PROS1: variants seen among roughly 807,000 people sequenced by gnomAD.
PROS1 encodes vitamin K-dependent protein S.
Under a neutral mutation model 75.9 loss-of-function variants are expected in PROS1, and 29 were observed. The ratio of observed to expected loss-of-function variants is 0.38; its 90% confidence interval spans 0.28 to 0.52. The LOEUF (loss-of-function observed/expected upper bound fraction) is 0.52. Ranked by LOEUF, PROS1 falls within the 20% of genes least tolerant of loss-of-function variation. The pLI, the probability that PROS1 is intolerant of heterozygous loss-of-function variation, is 0.83. For missense variants in PROS1, 680 were observed against 810.3 expected (o/e 0.84, Z 1.95); for synonymous variants, 245 against 280.6 (o/e 0.87, Z 1.27).
rs375034896 is a variant in PROS1 at position 93,884,886 on chromosome 3, C to T, written c.1334G>A (p.Arg445His). 184 of 1,612,380 alleles carry T rather than the reference C, an allele frequency of 1.1e-4. No individual in the cohort carries two copies. The highest frequency in any genetic ancestry group is 2.7e-4 in the East Asian group (12 of 44,794). The change falls in exon 12 of 15, where the codon CGT (arginine) becomes CAT (histidine). Residue 445 changes from arginine to histidine, a missense_variant. Arg to His is a conservative substitution (Grantham distance 29). Coordinates refer to ENST00000394236, the MANE Select transcript of PROS1 (RefSeq NM_000313.4). ...ESELIKPINP[R>H]LDGCIRSWNL... ...CCAGCTTCGTATACATCCATCTAGA[C>T]GAGGGTTAATCTAACAAATTAAAAT...
chr3:93,878,778 G>A (rs573308479), intron 13 of PROS1, among the ~76,000 whole-genome samples: 3 of 152,206 alleles, frequency 2.0e-5, no homozygotes, highest in African/African-American at 7.2e-5. Context: ...ACAGTGCACT[G>A]TAATTAGACT....
intron 7 of PROS1, 71 bp from the exon 8 acceptor site, chr3:93,898,640 T>A: frequency 6.5e-7 from 1 of 1,550,086 alleles, no homozygotes; most frequent in East Asian, 2.3e-5. Flanking sequence ...GGCAGAGGAA[T>A]ATTATGATTG....
chr3:93,955,138 C>A (rs1161784925), intron 1 of PROS1, among the ~76,000 whole-genome samples: 1 of 152,182 alleles, frequency 6.6e-6, no homozygotes, highest in Non-Finnish European at 1.5e-5. Context: ...GGACTGTAAA[C>A]TAGTTCAACC....
intron 1 of PROS1, among the ~76,000 whole-genome samples, chr3:93,933,886 G>C (rs1315024075): frequency 1.3e-5 from 2 of 151,904 alleles, no homozygotes; most frequent in Non-Finnish European, 2.9e-5. Context: ...GTGCGTGCTT[G>C]TAACCCCAGC....
chr3:93,902,229 G>A (rs755079180), intron 6 of PROS1, among the ~76,000 whole-genome samples: 3 of 152,072 alleles, frequency 2.0e-5, no homozygotes, highest in Admixed American at 6.6e-5. Context: ...GAACCCAGAA[G>A]CTGGGGTGCC....
intron 6 of PROS1, among the ~76,000 whole-genome samples, chr3:93,902,677 C>T (rs1707641708): frequency 6.6e-6 from 1 of 151,136 alleles, no homozygotes; most frequent in South Asian, 2.1e-4. Context: ...CACTTGAACC[C>T]GGGAAACAGA....
intron 7 of PROS1, among the ~76,000 whole-genome samples, chr3:93,899,607 G>C (rs1708555901): frequency 6.6e-6 from 1 of 152,170 alleles, no homozygotes; most frequent in Non-Finnish European, 1.5e-5. Flanking sequence ...GGAGAAATGT[G>C]TTGCGGGGGC....
chr3:93,924,733 A>T (rs1325292765), intron 2 of PROS1, among the ~76,000 whole-genome samples: 4 of 149,420 alleles, frequency 2.7e-5, no homozygotes, highest in Admixed American at 2.0e-4. Flanking sequence ...TATGACCATG[A>T]CTCACTGCAG....
intron 9 of PROS1, among the ~76,000 whole-genome samples, chr3:93,896,343 A>G (rs1708500512): frequency 6.6e-6 from 1 of 152,196 alleles, no homozygotes; most frequent in Non-Finnish European, 1.5e-5. Context: ...GGAATAATGT[A>G]AAATGTTCAT....
At chr3:93,912,477 G>A (rs1441922077) in intron 3 of PROS1, among the ~76,000 whole-genome samples, 1 of 152,110 alleles carries the variant, frequency 6.6e-6, no homozygotes, top group African/African-American at 2.4e-5. Context: ...GCAGGGTGGA[G>A]GAAGGAGGTC....
chr3:93,928,533 CAAAA>C (rs200106525), intron 1 of PROS1, among the ~76,000 whole-genome samples: 2 of 47,696 alleles, frequency 4.2e-5, no homozygotes, highest in Non-Finnish European at 8.8e-5. Context: ...GACTCTGTCT[CAAAA>C]AAAAAAAAAA....
intron 1 of PROS1, among the ~76,000 whole-genome samples, chr3:93,937,651 G>A (rs1267455201): frequency 6.6e-6 from 1 of 152,146 alleles, no homozygotes; most frequent in African/African-American, 2.4e-5. Flanking sequence ...ACAGGCGTGA[G>A]TCACCATGCT....
At position 93,896,563 on chromosome 3, in the gene PROS1, A is replaced by G. The variant is rs754246397; in HGVS notation, c.965+13T>C. ...TTAACCTCTAGAAATTATCATTGGT[A>G]TTGGTTCCTCACCTGCTGATTTCTG... On this transcript the variant is annotated intron_variant, in intron 9 of 14. Coordinates refer to ENST00000394236, the MANE Select transcript of PROS1 (RefSeq NM_000313.4). The G allele has an allele frequency of 6.4e-7, 1 of 1,564,050 alleles. No individual in the cohort carries two copies. The highest frequency in any genetic ancestry group is 8.8e-7 in the Non-Finnish European group (1 of 1,134,746).
chr3:93,933,879 C>T (rs766802887), intron 1 of PROS1, among the ~76,000 whole-genome samples: 10 of 151,952 alleles, frequency 6.6e-5, no homozygotes, highest in Non-Finnish European at 1.3e-4. Flanking sequence ...CACGGTGGTG[C>T]GTGCTTGTAA....
chr3:93,876,175 T>A (rs1708184361), intron 14 of PROS1, among the ~76,000 whole-genome samples: 1 of 152,222 alleles, frequency 6.6e-6, no homozygotes, highest in South Asian at 2.1e-4. Context: ...TTTCCTCATC[T>A]GTAAAATGGG....
intron 1 of PROS1, among the ~76,000 whole-genome samples, chr3:93,965,084 G>C (rs1709766988): frequency 6.6e-6 from 1 of 152,208 alleles, no homozygotes; most frequent in South Asian, 2.1e-4. Flanking sequence ...ACTATTGCCT[G>C]AGAGCACAGC....
intron 10 of PROS1, among the ~76,000 whole-genome samples, chr3:93,891,680 G>A (rs1708432430): frequency 6.6e-6 from 1 of 152,134 alleles, no homozygotes; most frequent in Admixed American, 6.5e-5. Flanking sequence ...AAAGAGCTGG[G>A]ATTACAGGCA....
At chr3:93,891,101 AAATAATAGT>A (rs1708425185) in intron 10 of PROS1, among the ~76,000 whole-genome samples, 1 of 152,112 alleles carries the variant, frequency 6.6e-6, no homozygotes, top group Non-Finnish European at 1.5e-5. Flanking sequence ...CTCCGTCTCA[AAATAATAGT>A]AATAATAGTG....
intron 3 of PROS1, among the ~76,000 whole-genome samples, chr3:93,915,517 A>G (rs1360908062): frequency 6.6e-6 from 1 of 152,146 alleles, no homozygotes; most frequent in Non-Finnish European, 1.5e-5. Flanking sequence ...TTCCTTCAAT[A>G]TTTTGCTTAG....
Sources: gnomAD v4.1 joint callset for allele counts (sites outside exome capture counted in the v4.1 genomes callset) on GRCh38, gnomAD v4.1.1 for gene constraint, MANE v1.5 for transcripts, NCBI Gene and HGNC (gene_info 2026-07-23, HGNC 2026-07-21) for gene names.